RALYL: variants seen among roughly 807,000 people sequenced by gnomAD.
RALYL encodes RNA-binding Raly-like protein.
In RALYL, 29 loss-of-function variants were observed where a neutral mutation model predicts 35.1. The ratio of observed to expected loss-of-function variants is 0.83; its 90% CI spans 0.61 to 1.13. The LOEUF (loss-of-function observed/expected upper bound fraction) is 1.13. RALYL is among the 50% of genes most tolerant of loss of function. The pLI is 0.00. For missense variants in RALYL, 359 were observed against 360.4 expected (o/e 1.00, Z 0.03); for synonymous variants, 120 against 127.6 (o/e 0.94, Z 0.40).
chr8:84,631,693 A>G, intron 2 of RALYL, among the ~76,000 whole-genome samples: 1 of 151,916 alleles, frequency 6.6e-6, no homozygotes, highest in African/African-American at 2.4e-5. Flanking sequence ...GGAAAGAAAG[A>G]GGGTCAGGAA....
intron 2 of RALYL, among the ~76,000 whole-genome samples, chr8:84,680,537 C>T (rs924388039): frequency 2.0e-5 from 3 of 152,158 alleles, no homozygotes; most frequent in Admixed American, 1.3e-4. Flanking sequence ...TAATGACTGC[C>T]ATTCTAACTG....
chr8:84,363,251 C>A (rs758891310), intron 1 of RALYL, among the ~76,000 whole-genome samples: 1 of 152,140 alleles, frequency 6.6e-6, no homozygotes, highest in Non-Finnish European at 1.5e-5. Context: ...TTCTTCTAAT[C>A]GCAGTGATGT....
intron 2 of RALYL, among the ~76,000 whole-genome samples, chr8:84,700,042 C>T (rs1839920055): frequency 6.6e-6 from 1 of 152,002 alleles, no homozygotes; most frequent in Non-Finnish European, 1.5e-5. Context: ...GATAGAATTT[C>T]ATTATCCTTA....
chr8:84,287,880 C>T (rs1271499344), intron 1 of RALYL, among the ~76,000 whole-genome samples: 4 of 152,214 alleles, frequency 2.6e-5, no homozygotes, highest in Admixed American at 2.6e-4. Context: ...GTCTAGGGCA[C>T]TCTTGATGGC....
intron 1 of RALYL, among the ~76,000 whole-genome samples, chr8:84,325,679 T>A (rs1845664255): frequency 6.6e-6 from 1 of 152,200 alleles, no homozygotes; most frequent in Non-Finnish European, 1.5e-5. Context: ...ATGAAGATAA[T>A]TTGTTTCCAC....
At chr8:84,456,792 G>C (rs2050187120) in intron 1 of RALYL, among the ~76,000 whole-genome samples, 1 of 151,842 alleles carries the variant, frequency 6.6e-6, no homozygotes, top group South Asian at 2.1e-4. Context: ...CATCATCTTA[G>C]AATAAGTACA....
At chr8:84,753,224 C>A (rs563826811) in intron 2 of RALYL, among the ~76,000 whole-genome samples, 158 of 152,158 alleles carry the variant, frequency 1.0e-3, no homozygotes, top group Non-Finnish European at 2.0e-3. Flanking sequence ...TGGCTTCTTT[C>A]TTTTGGCCAA....
intron 1 of RALYL, among the ~76,000 whole-genome samples, chr8:84,341,670 A>G (rs1233020198): frequency 6.6e-6 from 1 of 152,046 alleles, no homozygotes; most frequent in Non-Finnish European, 1.5e-5. Context: ...AATTTAAAAC[A>G]TTCCTAATAA....
At chr8:84,827,597 A>T (rs956906397) in intron 4 of RALYL, among the ~76,000 whole-genome samples, 1 of 152,108 alleles carries the variant, frequency 6.6e-6, no homozygotes, top group African/African-American at 2.4e-5. Flanking sequence ...TCAAAACAGG[A>T]TAGTTACCAG....
chr8:84,860,550 C>T (rs552661581), intron 5 of RALYL, among the ~76,000 whole-genome samples: 3 of 152,180 alleles, frequency 2.0e-5, no homozygotes, highest in Non-Finnish European at 4.4e-5. Flanking sequence ...GCAGGTCTAG[C>T]TGACCCTTTT....
intron 4 of RALYL, among the ~76,000 whole-genome samples, chr8:84,839,041 G>A (rs184553928): frequency 4.6e-5 from 7 of 152,324 alleles, no homozygotes; most frequent in Admixed American, 1.3e-4. Context: ...CCCAGCATGA[G>A]CAACGCAGAA....
intron 1 of RALYL, among the ~76,000 whole-genome samples, chr8:84,372,821 C>A (rs1320044250): frequency 7.0e-6 from 1 of 142,876 alleles, no homozygotes; most frequent in African/African-American, 2.6e-5. Flanking sequence ...AAGGATTGAA[C>A]TAATTTACAC....
At chr8:84,750,006 G>T (rs1260078603) in intron 2 of RALYL, among the ~76,000 whole-genome samples, 1 of 152,106 alleles carries the variant, frequency 6.6e-6, no homozygotes, top group African/African-American at 2.4e-5. Context: ...TCTGCTCTGG[G>T]AGAAGCCTGG....
At chr8:84,185,217 G>A (rs1208029210) in intron 1 of RALYL, 2 of 634,906 alleles carry the variant, frequency 3.2e-6, no homozygotes, top group Non-Finnish European at 5.7e-6. Flanking sequence ...TTGCAGTAAT[G>A]ACCCTACACC....
chr8:84,276,072 A>G (rs970471317), intron 1 of RALYL, among the ~76,000 whole-genome samples: 3 of 152,192 alleles, frequency 2.0e-5, no homozygotes, highest in African/African-American at 7.2e-5. Flanking sequence ...TACTTTTGCC[A>G]TCTATACATA....
chr8:84,376,767 T>A (rs1383357882), intron 1 of RALYL, among the ~76,000 whole-genome samples: 7 of 151,878 alleles, frequency 4.6e-5, no homozygotes, highest in Non-Finnish European at 8.8e-5. Flanking sequence ...GGTATTTTCC[T>A]GTCTTTCTGA....
intron 1 of RALYL, among the ~76,000 whole-genome samples, chr8:84,494,295 T>C (rs1380141806): frequency 6.6e-6 from 1 of 152,210 alleles, no homozygotes; most frequent in African/African-American, 2.4e-5. Flanking sequence ...TATGCTGTTT[T>C]GGTTACTGAT....
At chr8:84,229,281 A>G (rs1030881) in intron 1 of RALYL, among the ~76,000 whole-genome samples, 105,586 of 152,034 alleles carry the variant, frequency 0.69, 36,886 homozygotes, top group African/African-American at 0.77. Flanking sequence ...ACAGATGCAT[A>G]CATAAATTTC....
Position 84,326,498 on chromosome 8 carries a change from T to C in RALYL, c.-24+142074T>C, listed in dbSNP as rs150272248. ...AGTAATCCCTACAATGGGTAGACAG[T>C]TGAAATATTATTCGCTTAGTTGATG... is the stretch of plus-strand genomic sequence containing the variant. On this transcript the variant is annotated intron_variant, in intron 1 of 8. Transcript: ENST00000521268. Among the ~76,000 whole-genome samples, 471 of 152,308 alleles carry C rather than the reference T, an allele frequency of 3.1e-3. 2 individuals are homozygous for C. Among genetic ancestry groups the C allele is most frequent in the South Asian group, 6.4e-3 (31 of 4,828 alleles).
Sources: allele counts gnomAD v4.1 joint callset (sites outside exome capture counted in the v4.1 genomes callset), GRCh38; gene constraint gnomAD v4.1.1; transcripts MANE v1.5; gene names NCBI Gene and HGNC (gene_info 2026-07-23, HGNC 2026-07-21).